The following RAD51B variants were observed in gnomAD, a reference collection of about 807,000 sequenced individuals.
RAD51B encodes the protein RAD51 paralog B.
RAD51B carries 38 observed loss-of-function variants against 42.2 expected under a neutral mutation model. That is an observed-to-expected ratio of 0.90 (90% confidence interval 0.70 to 1.18). RAD51B has a LOEUF of 1.18. Among genes scored for constraint, RAD51B ranks in the 50% most tolerant of loss-of-function variants. The pLI, the probability that RAD51B is intolerant of heterozygous loss-of-function variation, is 0.00. For missense variants in RAD51B, 373 were observed against 400.7 expected, an observed-to-expected ratio of 0.93 and a Z score of 0.59; for synonymous variants, 154 against 145.2, an observed-to-expected ratio of 1.06 and a Z score of -0.43.
intron 7 of RAD51B, among the ~76,000 whole-genome samples, chr14:67,919,762 C>G (rs1229751883): frequency 6.6e-6 from 1 of 152,138 alleles, no homozygotes; most frequent in African/African-American, 2.4e-5. Context: ...TAACTACATA[C>G]TTAAGAAGGT....
chr14:67,914,971 G>C (rs1199745958), intron 7 of RAD51B, among the ~76,000 whole-genome samples: 1 of 152,136 alleles, frequency 6.6e-6, no homozygotes, highest in Non-Finnish European at 1.5e-5. Context: ...TTTTCCAAAA[G>C]AAATAGGGTA....
At chr14:68,556,690 C>A (rs553773560) in intron 10 of RAD51B, among the ~76,000 whole-genome samples, 4 of 152,154 alleles carry the variant, frequency 2.6e-5, no homozygotes, top group Non-Finnish European at 5.9e-5. Flanking sequence ...CCATGGAGAT[C>A]ACATTAGGCC....
At chr14:68,087,917 A>ATATTATATATAATTATATAATT (rs1478625854) in intron 7 of RAD51B, among the ~76,000 whole-genome samples, 3 of 80,484 alleles carry the variant, frequency 3.7e-5, no homozygotes, top group Non-Finnish European at 6.8e-5. Context: ...ATTATATAAT[A>ATATTATATATAATTATATAATT]TATTATATAT....
chr14:68,343,348 TATA>T lies in RAD51B; in HGVS notation c.853+51371_853+51373del, dbSNP rs757803075. 6.6e-4 allele frequency among the ~76,000 whole-genome samples: 101 copies of T among 152,366 alleles called. 1 individual carries two copies. The highest frequency in any genetic ancestry group is 2.4e-4 in the Non-Finnish European group (16 of 68,038). ...GCGGTACAGGGGCTTTTTATTTTGATATAATCCCATTTTTCTATTTTTGCTTTT... is the reference window on the plus strand; with the variant it reads ...GCGGTACAGGGGCTTTTTATTTTGATATCCCATTTTTCTATTTTTGCTTTT... On this transcript the variant is annotated intron_variant, in intron 8 of 10. Transcript: ENST00000471583.
At chr14:68,044,850 A>G (rs1387960394) in intron 7 of RAD51B, among the ~76,000 whole-genome samples, 2 of 151,984 alleles carry the variant, frequency 1.3e-5, no homozygotes, top group Non-Finnish European at 2.9e-5. Context: ...TTTGCTTGTT[A>G]CTGAACTGTA....
chr14:68,276,050 G>A lies in RAD51B; in HGVS notation c.757-15834G>A, dbSNP rs189288302. The stretch of plus-strand genomic sequence containing the variant: ...CTCCCAGCTGGGAGCCTGTTTTCAT[G>A]CTTTTCAAAGAGCTCCTTTTTTGAG... On this transcript the variant is annotated intron_variant, in intron 7 of 10. Coordinates refer to ENST00000471583, the MANE Select transcript of RAD51B (RefSeq NM_133510.4). 1.8e-4 allele frequency among the ~76,000 whole-genome samples: 27 copies of A among 152,252 alleles called. No homozygotes were observed. In the East Asian group the frequency reaches 5.2e-3, roughly 29 times the overall value.
intron 4 of RAD51B, among the ~76,000 whole-genome samples, chr14:67,850,878 T>G (rs990241770): frequency 1.3e-5 from 2 of 152,134 alleles, no homozygotes; most frequent in Non-Finnish European, 2.9e-5. Context: ...TCTAGAGCTC[T>G]TGACTCCTGG....
chr14:67,938,682 G>A (rs1236269950), intron 7 of RAD51B, among the ~76,000 whole-genome samples: 4 of 152,182 alleles, frequency 2.6e-5, no homozygotes, highest in Admixed American at 1.3e-4. Flanking sequence ...GAAAACAGTT[G>A]ATGTCTCAAT....
chr14:68,676,580 G>A (rs1352558245), intron 11 of RAD51B, among the ~76,000 whole-genome samples: 1 of 152,250 alleles, frequency 6.6e-6, no homozygotes, highest in Non-Finnish European at 1.5e-5. Flanking sequence ...AGCTGCAAGA[G>A]AGTGGAATTT....
chr14:68,104,752 C>G (rs183473657), intron 7 of RAD51B, among the ~76,000 whole-genome samples: 2 of 152,260 alleles, frequency 1.3e-5, no homozygotes, highest in East Asian at 3.9e-4. Context: ...CGATAGACTT[C>G]ATTCACTTTT....
Position 68,278,022 on chromosome 14 carries a change from C to T in RAD51B, c.757-13862C>T, listed in dbSNP as rs369274996. ...CCTCCCAAAATGTTGGGATTACAGG[C>T]GTGAGCCACTGCGACCAGCCAGAGG... On this transcript the variant is annotated intron_variant, in intron 7 of 10. Coordinates refer to ENST00000471583, the MANE Select transcript of RAD51B (RefSeq NM_133510.4). Among the ~76,000 whole-genome samples, 850 of 152,254 alleles carry T rather than the reference C, an allele frequency of 5.6e-3. 15 individuals carry two copies. The highest frequency in any genetic ancestry group is 0.02 in the African/African-American group (814 of 41,542).
rs77225254 is a variant in RAD51B at position 68,632,062 on chromosome 14, C to T, written c.1037-18719C>T. 8.0e-4 allele frequency among the ~76,000 whole-genome samples: 122 copies of T among 152,312 alleles called. 1 individual carries two copies. The highest frequency in any genetic ancestry group is 2.3e-3 in the Admixed American group (35 of 15,302). ...TGTTGACCTTTGCCTTTGCATCATGCGCCAGGCATGACCTAGCACAGCCAT... is the reference window on the plus strand; with the variant it reads ...TGTTGACCTTTGCCTTTGCATCATGTGCCAGGCATGACCTAGCACAGCCAT... On this transcript the variant is annotated intron_variant, in intron 10 of 11. Coordinates refer to the RAD51B transcript ENST00000488612.
chr14:68,353,894 G>T (rs1017942663), intron 8 of RAD51B, among the ~76,000 whole-genome samples: 1 of 152,206 alleles, frequency 6.6e-6, no homozygotes, highest in Non-Finnish European at 1.5e-5. Context: ...CCTTCCACGT[G>T]GTGGAACTGT....
At chr14:68,072,053 T>TTA (rs1491530235) in intron 7 of RAD51B, among the ~76,000 whole-genome samples, 2 of 112,328 alleles carry the variant, frequency 1.8e-5, no homozygotes, top group African/African-American at 9.6e-5. Context: ...ATATATATAA[T>TTA]TATATATATT....
At chr14:68,414,084 G>A (rs1308867486) in intron 9 of RAD51B, among the ~76,000 whole-genome samples, 2 of 152,172 alleles carry the variant, frequency 1.3e-5, no homozygotes, top group Non-Finnish European at 2.9e-5. Context: ...AGGCCTGGAA[G>A]GGGGTCAGGT....
intron 7 of RAD51B, among the ~76,000 whole-genome samples, chr14:68,271,715 AAAG>A (rs1438980997): frequency 6.6e-6 from 1 of 152,202 alleles, no homozygotes; most frequent in African/African-American, 2.4e-5. Flanking sequence ...GGCCAGGATT[AAAG>A]GAGGTAATCT....
At chr14:67,849,576 C>T (rs1020900792) in intron 4 of RAD51B, among the ~76,000 whole-genome samples, 13 of 152,212 alleles carry the variant, frequency 8.5e-5, no homozygotes, top group African/African-American at 2.7e-4. Context: ...AGCCACTGCA[C>T]CTGGCCTAAA....
chr14:68,427,186 A>T (rs927268069), intron 9 of RAD51B, among the ~76,000 whole-genome samples: 1 of 152,268 alleles, frequency 6.6e-6, no homozygotes, highest in Non-Finnish European at 1.5e-5. Context: ...GGGCAGAGCC[A>T]TGGCAGAGAG....
intron 7 of RAD51B, among the ~76,000 whole-genome samples, chr14:68,088,458 C>G (rs2077035010): frequency 1.3e-5 from 2 of 151,864 alleles, no homozygotes; most frequent in African/African-American, 4.8e-5. Flanking sequence ...CTAATAACTC[C>G]TCATTTTTTT....
Sources: gnomAD v4.1 joint callset for allele counts (sites outside exome capture counted in the v4.1 genomes callset) on GRCh38, gnomAD v4.1.1 for gene constraint, MANE v1.5 for transcripts, NCBI Gene and HGNC (gene_info 2026-07-23, HGNC 2026-07-21) for gene names.